CDS2: variants seen among roughly 807,000 people sequenced by gnomAD.
The protein encoded by CDS2 is phosphatidate cytidylyltransferase 2.
CDS2 carries 47 observed loss-of-function variants against 59.0 expected under a neutral mutation model. That is an observed-to-expected ratio of 0.80 (90% CI 0.63 to 1.02). CDS2 has a LOEUF of 1.02. CDS2 is among the 50% of genes least tolerant of loss of function. The pLI is 0.00. For missense variants in CDS2, 356 were observed against 558.9 expected, an observed-to-expected ratio of 0.64 and a Z score of 3.66; for synonymous variants, 207 against 206.4, an observed-to-expected ratio of 1.00 and a Z score of -0.02.
Position 5,176,707 on chromosome 20 carries a change from C to T in CDS2, c.351C>T (p.Tyr117=). The T allele has an allele frequency of 6.2e-7, 1 of 1,614,104 alleles. No individual in the cohort carries two copies. Residue 117 remains tyrosine (Y), a synonymous_variant, in exon 4 of 13, where the codon TAC becomes TAT. Transcript: ENST00000460006. ...TAATCACTATTGGCTACAACGTCTA[C>T]CACTCATATGATCTGCCCTGGTTCA... ...HEIITIGYNV[Y]HSYDLPWFRT... is the part of the protein sequence containing the mutation.
At chr20:5,152,100 A>C (rs1274571417) in intron 1 of CDS2, among the ~76,000 whole-genome samples, 1 of 151,966 alleles carries the variant, frequency 6.6e-6, no homozygotes, top group Non-Finnish European at 1.5e-5. Flanking sequence ...AAAAACAAAA[A>C]AACAAAAACA....
chr20:5,191,744 A>T lies in CDS2; in HGVS notation c.*1510A>T, dbSNP rs1568546779. 1 of 152,188 alleles carries T rather than the reference A, an allele frequency of 6.6e-6. No individual in the cohort carries two copies. Among genetic ancestry groups the T allele is most frequent in the African/African-American group, 2.4e-5 (1 of 41,438 alleles). 9.4% of individuals were successfully genotyped at this position (152,188 alleles called of 1,614,324 possible). A position where few individuals can be genotyped will look rare whatever the true frequency, so the allele number is the denominator to read the frequency against. ...CTCACACATCCTTGAGTGACTTCCC[A>T]TATGTGTGTGGGGCTGAAGCGGCTT... On this transcript the variant is annotated 3_prime_UTR_variant, in exon 13 of 13. Transcript: ENST00000460006.
At chr20:5,142,583 AT>A (rs1397475962) in intron 1 of CDS2, among the ~76,000 whole-genome samples, 3 of 152,192 alleles carry the variant, frequency 2.0e-5, no homozygotes, top group Admixed American at 2.0e-4. Context: ...GGAATTGTTA[AT>A]TTTTTAGGTG....
In CDS2 at chr20:5,193,213, A is replaced by G. The variant is rs1256501066; in HGVS notation, c.*2979A>G. The G allele has an allele frequency of 6.6e-6, 1 of 152,148 alleles. No homozygotes were observed. Among genetic ancestry groups the G allele is most frequent in the Admixed American group, 6.5e-5 (1 of 15,284 alleles). The allele number at this position is 152,148 out of a possible 1,614,324, so 9.4% of individuals were successfully genotyped here. ...TGCTTTTAGTATTCAGAAAGGTTCC[A>G]TTTATGTTTTACTCCTGAAAGTGAA... On this transcript the variant is annotated 3_prime_UTR_variant, in exon 13 of 13. Transcript: ENST00000460006.
intron 1 of CDS2, among the ~76,000 whole-genome samples, chr20:5,149,896 A>C (rs1459450342): frequency 1.3e-5 from 2 of 151,564 alleles, no homozygotes; most frequent in East Asian, 3.9e-4. Flanking sequence ...TTATATTTGT[A>C]GTAGAGATGG....
At chr20:5,153,062 TGTCTG>T (rs1439057449) in intron 1 of CDS2, among the ~76,000 whole-genome samples, 1 of 152,178 alleles carries the variant, frequency 6.6e-6, no homozygotes, top group Non-Finnish European at 1.5e-5. Context: ...TACAATATTT[TGTCTG>T]GATTGTCTTG....
intron 9 of CDS2, among the ~76,000 whole-genome samples, chr20:5,186,094 C>T (rs781106705): frequency 5.9e-5 from 9 of 152,226 alleles, no homozygotes; most frequent in Non-Finnish European, 1.2e-4. Context: ...ATTTGATGTT[C>T]CAAGGTCAGG....
At position 5,156,609 on chromosome 20, in the gene CDS2, A is replaced by G. The variant is rs575584133; in HGVS notation, c.58-16914A>G. 3.3e-5 allele frequency among the ~76,000 whole-genome samples: 5 copies of G among 152,258 alleles called. No homozygotes were observed. In the South Asian group the frequency reaches 1.0e-3, roughly 32 times the overall value. ...ATTGGAGAGGATTCAGATGCGATTA[A>G]TTGTAAATGCAGGCAGCCAGTCACA... On this transcript the variant is annotated intron_variant, in intron 1 of 12. Coordinates refer to ENST00000460006, the MANE Select transcript of CDS2 (RefSeq NM_003818.4).
At chr20:5,168,622 G>A in intron 1 of CDS2, 1 of 518,622 alleles carries the variant, frequency 1.9e-6, no homozygotes, top group East Asian at 5.5e-5. Context: ...TGGGCCCCTG[G>A]CACCAAGTGA....
At chr20:5,135,161 G>A (rs2122952277) in intron 1 of CDS2, among the ~76,000 whole-genome samples, 1 of 152,086 alleles carries the variant, frequency 6.6e-6, no homozygotes, top group East Asian at 1.9e-4. Flanking sequence ...TGAACTCCTG[G>A]GTTCAAGCGA....
At chr20:5,143,551 C>T (rs2090713002) in intron 1 of CDS2, among the ~76,000 whole-genome samples, 1 of 152,024 alleles carries the variant, frequency 6.6e-6, no homozygotes, top group Non-Finnish European at 1.5e-5. Flanking sequence ...GTGAATAATG[C>T]TGCTAGGAAC....
intron 1 of CDS2, among the ~76,000 whole-genome samples, chr20:5,137,829 C>T (rs1279022818): frequency 3.3e-5 from 5 of 151,552 alleles, no homozygotes; most frequent in South Asian, 2.1e-4. Context: ...GACGGAGTCT[C>T]GCTCTGTCGC....
At chr20:5,136,467 C>T (rs2090650885) in intron 1 of CDS2, among the ~76,000 whole-genome samples, 1 of 152,178 alleles carries the variant, frequency 6.6e-6, no homozygotes, top group African/African-American at 2.4e-5. Flanking sequence ...TTCAACATTT[C>T]AGGACTGCAG....
chr20:5,180,143 A>G (rs2091023047), intron 5 of CDS2, among the ~76,000 whole-genome samples: 1 of 152,152 alleles, frequency 6.6e-6, no homozygotes, highest in Non-Finnish European at 1.5e-5. Context: ...CCGCATGTTT[A>G]TGGATAAAGG....
At chr20:5,153,377 C>A (rs543102475) in intron 1 of CDS2, among the ~76,000 whole-genome samples, 1 of 152,096 alleles carries the variant, frequency 6.6e-6, no homozygotes, top group Non-Finnish European at 1.5e-5. Flanking sequence ...GGCACCAGTC[C>A]CAGGGAAGCG....
At chr20:5,188,088 CATG>C (rs2123068361) in intron 10 of CDS2, among the ~76,000 whole-genome samples, 1 of 145,534 alleles carries the variant, frequency 6.9e-6, no homozygotes, top group Non-Finnish European at 1.5e-5. Context: ...GTGTTGATCA[CATG>C]AGAAAAAACA....
intron 1 of CDS2, among the ~76,000 whole-genome samples, chr20:5,148,113 G>A (rs1568531514): frequency 6.6e-6 from 1 of 152,186 alleles, no homozygotes; most frequent in Non-Finnish European, 1.5e-5. Flanking sequence ...ACCTGTTGAA[G>A]AGAGCTAGTA....
In CDS2 at chr20:5,186,779, G is replaced by A. The variant is rs761274583; in HGVS notation, c.921G>A (p.Ser307=). The change falls in exon 10 of 13, where the codon TCG becomes TCA. Residue 307 remains serine (S), a synonymous_variant. Coordinates refer to ENST00000460006, the MANE Select transcript of CDS2 (RefSeq NM_003818.4). ...TNSFTVDCEP[S]DLFRLQEYNI... ...GCTTCACTGTGGACTGTGAGCCCTC[G>A]GACCTGTTTCGCCTGCAGGAGTACA... The A allele has an allele frequency of 3.5e-5, 57 of 1,613,966 alleles. No individual in the cohort carries two copies. Among genetic ancestry groups the A allele is most frequent in the Non-Finnish European group, 4.5e-5 (53 of 1,180,014 alleles).
rs773575866 is a variant in CDS2 at position 5,145,822 on chromosome 20, G to GGTTTTTTTTTTTTTT, written c.57+18673_57+18674insGTTTTTTTTTTTTTT. On this transcript the variant is annotated intron_variant, in intron 1 of 12. Coordinates refer to ENST00000460006, the MANE Select transcript of CDS2 (RefSeq NM_003818.4). ...CCAAGTTGTGTGTTTTGCTTTTTGT[G>GGTTTTTTTTTTTTTT]TTTTTTTTTTTTTTTTTTTGAGACA... 1.2e-3 allele frequency among the ~76,000 whole-genome samples: 151 copies of GGTTTTTTTTTTTTTT among 129,228 alleles called. 8 individuals carry two copies. The highest frequency in any genetic ancestry group is 5.4e-3 in the East Asian group (23 of 4,294). 84.8% of individuals were successfully genotyped at this position (129,228 alleles called of 152,430 possible).
Sources: gnomAD v4.1 joint callset for allele counts (sites outside exome capture counted in the v4.1 genomes callset) on GRCh38, gnomAD v4.1.1 for gene constraint, MANE v1.5 for transcripts, NCBI Gene and HGNC (gene_info 2026-07-23, HGNC 2026-07-21) for gene names.